The following STPG2 variants were observed in gnomAD, a reference collection of about 807,000 sequenced individuals.
STPG2 encodes sperm-tail PG-rich repeat-containing protein 2.
Under a neutral mutation model 54.2 loss-of-function variants are expected in STPG2, and 56 were observed. The ratio of observed to expected loss-of-function variants is 1.03; its 90% confidence interval spans 0.83 to 1.29. The LOEUF (loss-of-function observed/expected upper bound fraction) is 1.29. Ranked by LOEUF, STPG2 falls within the 50% of genes most tolerant of loss-of-function variation. STPG2 has a pLI of 0.00. For missense variants in STPG2, 596 were observed against 544.9 expected, an observed-to-expected ratio of 1.09 and a Z score of -0.93; for synonymous variants, 200 against 181.8, an observed-to-expected ratio of 1.10 and a Z score of -0.81.
intron 10 of STPG2, among the ~76,000 whole-genome samples, chr4:97,591,879 A>T (rs1471040701): frequency 6.6e-6 from 1 of 152,202 alleles, no homozygotes; most frequent in Non-Finnish European, 1.5e-5. Context: ...AATGCTAAAA[A>T]ATATGCTCTT....
At position 97,923,399 on chromosome 4, in the gene STPG2, G is replaced by A. The variant is rs1463369640; in HGVS notation, c.1044+20498C>T. On this transcript the variant is annotated intron_variant, in intron 8 of 10. Transcript: ENST00000295268. The stretch of plus-strand genomic sequence containing the variant: ...TCCCATCGACTGCCCAAGGGCTAAG[G>A]AGTGCAGGCGCACAGCGCAGGACTG... 2.6e-5 allele frequency among the ~76,000 whole-genome samples: 4 copies of A among 151,750 alleles called. No homozygotes were observed. The Admixed American group carries it at 2.6e-4, about 10-fold the overall frequency.
chr4:97,970,517 C>T (rs1362868816), intron 7 of STPG2, among the ~76,000 whole-genome samples: 1 of 152,148 alleles, frequency 6.6e-6, no homozygotes, highest in Non-Finnish European at 1.5e-5. Context: ...ACATCTACAA[C>T]CATCTGATCT....
chr4:97,950,460 T>C (rs868789981), intron 7 of STPG2, among the ~76,000 whole-genome samples: 12 of 152,238 alleles, frequency 7.9e-5, no homozygotes, highest in African/African-American at 2.4e-4. Context: ...TTTTTTTCTC[T>C]TTAAAATATG....
chr4:98,019,333 G>A (rs1332320369), intron 5 of STPG2, among the ~76,000 whole-genome samples: 4 of 152,042 alleles, frequency 2.6e-5, no homozygotes, highest in South Asian at 2.1e-4. Context: ...TTGTAGATAC[G>A]CAGCATTATT....
chr4:97,875,975 C>T (rs925016929), intron 8 of STPG2, among the ~76,000 whole-genome samples: 1 of 151,668 alleles, frequency 6.6e-6, no homozygotes, highest in African/African-American at 2.4e-5. Flanking sequence ...ACCTTATATG[C>T]AAAATAAAGG....
chr4:98,008,369 A>G (rs1258927725), intron 5 of STPG2, among the ~76,000 whole-genome samples: 1 of 152,084 alleles, frequency 6.6e-6, no homozygotes, highest in Non-Finnish European at 1.5e-5. Flanking sequence ...AATGAAGGAG[A>G]AAAAAGTCCT....
At chr4:97,926,884 C>T (rs2149215231) in intron 8 of STPG2, among the ~76,000 whole-genome samples, 1 of 152,032 alleles carries the variant, frequency 6.6e-6, no homozygotes, top group South Asian at 2.1e-4. Context: ...ATTTTTATAG[C>T]TAAAAATATA....
At chr4:97,760,021 T>C (rs190495972) in intron 9 of STPG2, among the ~76,000 whole-genome samples, 17 of 152,314 alleles carry the variant, frequency 1.1e-4, no homozygotes, top group African/African-American at 3.8e-4. Context: ...TAAGCCAATA[T>C]AGTTATAGTA....
At chr4:98,020,469 C>T (rs1736141697) in intron 5 of STPG2, among the ~76,000 whole-genome samples, 1 of 151,302 alleles carries the variant, frequency 6.6e-6, no homozygotes, top group Non-Finnish European at 1.5e-5. Flanking sequence ...GGATATTGGT[C>T]TAAAATTCTC....
At chr4:97,783,712 T>C (rs1472091493) in intron 9 of STPG2, among the ~76,000 whole-genome samples, 7 of 152,126 alleles carry the variant, frequency 4.6e-5, no homozygotes, top group Non-Finnish European at 1.0e-4. Context: ...TAAGAAAATG[T>C]GGCACATACC....
chr4:97,772,269 T>C (rs924365892), intron 9 of STPG2, among the ~76,000 whole-genome samples: 2 of 152,226 alleles, frequency 1.3e-5, no homozygotes, highest in African/African-American at 4.8e-5. Flanking sequence ...AAATAACTTT[T>C]AGTAAAATTC....
intron 4 of STPG2, among the ~76,000 whole-genome samples, chr4:97,482,709 T>G (rs979431560): frequency 6.6e-6 from 1 of 151,510 alleles, no homozygotes; most frequent in African/African-American, 2.4e-5. Context: ...TACAAAGGAC[T>G]TCTGGGGAAT....
chr4:97,449,396 G>C (rs748549074), intron 4 of STPG2, among the ~76,000 whole-genome samples: 35 of 152,112 alleles, frequency 2.3e-4, no homozygotes, highest in Non-Finnish European at 4.1e-4. Flanking sequence ...ACAAGATAAA[G>C]ACAATTTCCA....
At chr4:97,555,319 T>G (rs144440501), downstream of STPG2, among the ~76,000 whole-genome samples, 627 of 152,198 alleles carry the variant, frequency 4.1e-3, 3 homozygotes, top group South Asian at 0.02. Context: ...AACCATTTGT[T>G]TTTGCCTTGT....
chr4:97,581,381 T>C (rs1732860405), intron 10 of STPG2, among the ~76,000 whole-genome samples: 1 of 152,106 alleles, frequency 6.6e-6, no homozygotes, highest in Non-Finnish European at 1.5e-5. Flanking sequence ...CAACTAGTTT[T>C]AGGAAAATTT....
intron 10 of STPG2, among the ~76,000 whole-genome samples, chr4:97,561,236 G>C (rs1180294005): frequency 6.6e-6 from 1 of 152,122 alleles, no homozygotes; most frequent in Non-Finnish European, 1.5e-5. Context: ...TTTTATGGCT[G>C]CATAAATGTC....
At chr4:98,000,881 G>A (rs1347776676) in intron 5 of STPG2, among the ~76,000 whole-genome samples, 1 of 152,104 alleles carries the variant, frequency 6.6e-6, no homozygotes, top group East Asian at 1.9e-4. Flanking sequence ...TTCAGTAACA[G>A]AAATGGAAAC....
At chr4:97,843,184 TTC>T (rs1398566669) in intron 8 of STPG2, among the ~76,000 whole-genome samples, 1 of 151,812 alleles carries the variant, frequency 6.6e-6, no homozygotes, top group Non-Finnish European at 1.5e-5. Context: ...GGTTTTTTTT[TTC>T]TCTTTTTGGC....
chr4:97,814,698 C>T (rs559565318), intron 9 of STPG2, among the ~76,000 whole-genome samples: 1 of 152,108 alleles, frequency 6.6e-6, no homozygotes, highest in South Asian at 2.1e-4. Context: ...GTGGGCAGTA[C>T]CTAATCAGCT....
Sources: gnomAD v4.1 joint callset for allele counts (sites outside exome capture counted in the v4.1 genomes callset) on GRCh38, gnomAD v4.1.1 for gene constraint, MANE v1.5 for transcripts, NCBI Gene and HGNC (gene_info 2026-07-23, HGNC 2026-07-21) for gene names.